The following KIAA1217 variants were observed in gnomAD, a reference collection of about 807,000 sequenced individuals.
KIAA1217 encodes KIAA1217.
In KIAA1217, 88 loss-of-function variants were observed where a neutral mutation model predicts 163.9. That is an observed-to-expected ratio of 0.54 (90% CI 0.45 to 0.64). The LOEUF is 0.64. Among genes scored for constraint, KIAA1217 ranks in the 30% least tolerant of loss-of-function variants. The pLI, the probability that KIAA1217 is intolerant of heterozygous loss-of-function variation, is 0.00. For synonymous variants in KIAA1217, 903 were observed against 923.1 expected (o/e 0.98, Z 0.39); for missense variants, 2,372 against 2,475.0 (o/e 0.96, Z 0.88).
At chr10:24,304,371 AAAT>A (rs1273288975) in intron 2 of KIAA1217, among the ~76,000 whole-genome samples, 3 of 151,956 alleles carry the variant, frequency 2.0e-5, no homozygotes, top group African/African-American at 7.3e-5. Context: ...TTTTTTACTT[AAAT>A]AATGAGGCAG....
At chr10:24,190,607 C>T (rs1327925007) in intron 2 of KIAA1217, among the ~76,000 whole-genome samples, 2 of 152,092 alleles carry the variant, frequency 1.3e-5, no homozygotes, top group Non-Finnish European at 2.9e-5. Context: ...CACAGATTCC[C>T]CCATATTTCC....
At chr10:24,051,831 T>C (rs1311877594) in intron 2 of KIAA1217, among the ~76,000 whole-genome samples, 1 of 152,202 alleles carries the variant, frequency 6.6e-6, no homozygotes, top group African/African-American at 2.4e-5. Flanking sequence ...TTGTTTGAGT[T>C]CCTTGTAGAT....
chr10:23,839,482 A>T (rs141520824), intron 1 of KIAA1217, among the ~76,000 whole-genome samples: 24 of 152,214 alleles, frequency 1.6e-4, no homozygotes, highest in Non-Finnish European at 3.1e-4. Context: ...TAGTGTCTCT[A>T]ACTCTTCACC....
intron 1 of KIAA1217, among the ~76,000 whole-genome samples, chr10:24,001,395 A>G (rs939236004): frequency 6.6e-6 from 1 of 152,238 alleles, no homozygotes; most frequent in African/African-American, 2.4e-5. Context: ...GTCCTCCTCC[A>G]AAGAGTTCAG....
intron 2 of KIAA1217, among the ~76,000 whole-genome samples, chr10:24,015,034 G>GT (rs1190478076): frequency 6.6e-6 from 1 of 152,034 alleles, no homozygotes; most frequent in Non-Finnish European, 1.5e-5. Flanking sequence ...AAAGCATGTA[G>GT]TTATCAAAAT....
intron 6 of KIAA1217, among the ~76,000 whole-genome samples, chr10:24,490,642 C>A (rs940772777): frequency 6.6e-6 from 1 of 152,200 alleles, no homozygotes; most frequent in African/African-American, 2.4e-5. Context: ...TTTCTCATTA[C>A]CATATGTCAA....
At chr10:24,163,604 G>A (rs1256405116) in intron 2 of KIAA1217, among the ~76,000 whole-genome samples, 7 of 152,112 alleles carry the variant, frequency 4.6e-5, no homozygotes, top group Admixed American at 2.0e-4. Context: ...TAGTAAGTAC[G>A]CCTCACAATA....
At chr10:24,138,244 G>T (rs960850237) in intron 2 of KIAA1217, among the ~76,000 whole-genome samples, 13 of 152,018 alleles carry the variant, frequency 8.6e-5, no homozygotes, top group African/African-American at 3.1e-4. Flanking sequence ...ACCTCGAACT[G>T]CCAGGCTCAA....
intron 2 of KIAA1217, among the ~76,000 whole-genome samples, chr10:24,186,484 C>T (rs1320471660): frequency 2.6e-5 from 4 of 152,266 alleles, no homozygotes; most frequent in African/African-American, 7.2e-5. Flanking sequence ...TTCAATAAAA[C>T]GTCTTGAATT....
chr10:24,544,516 C>A (rs368440644), intron 19 of KIAA1217, 35 bp downstream of exon 19: 37 of 1,565,572 alleles, frequency 2.4e-5, no homozygotes, highest in Non-Finnish European at 3.0e-5. Context: ...AAAGACCCAG[C>A]TGCTTTCCTA....
intron 8 of KIAA1217, among the ~76,000 whole-genome samples, chr10:24,497,709 GACCTT>G (rs2066977530): frequency 6.9e-6 from 1 of 145,394 alleles, no homozygotes; most frequent in African/African-American, 2.6e-5. Flanking sequence ...GACAGAGCAA[GACCTT>G]GTCTCAAAAA....
At chr10:23,851,281 G>C (rs1327181624) in intron 1 of KIAA1217, among the ~76,000 whole-genome samples, 3 of 151,938 alleles carry the variant, frequency 2.0e-5, no homozygotes, top group Admixed American at 2.0e-4. Context: ...TTTTGTCCTT[G>C]CGATAGTTTA....
chr10:23,891,899 T>C (rs1327459977), intron 1 of KIAA1217, among the ~76,000 whole-genome samples: 2 of 151,974 alleles, frequency 1.3e-5, no homozygotes, highest in Non-Finnish European at 2.9e-5. Flanking sequence ...TGTTTGTAAG[T>C]CCACTGGGTA....
At chr10:23,736,846 G>A (rs1206213458) in intron 1 of KIAA1217, among the ~76,000 whole-genome samples, 1 of 152,116 alleles carries the variant, frequency 6.6e-6, no homozygotes, top group Non-Finnish European at 1.5e-5. Flanking sequence ...TTTGAGAGCT[G>A]TTGGTGCAAC....
chr10:23,769,660 G>A (rs1245921539), intron 1 of KIAA1217, among the ~76,000 whole-genome samples: 1 of 152,206 alleles, frequency 6.6e-6, no homozygotes, highest in Non-Finnish European at 1.5e-5. Flanking sequence ...AGCTAGTTAG[G>A]TCAGATCTCT....
chr10:24,110,965 T>C (rs2062823604), intron 2 of KIAA1217, among the ~76,000 whole-genome samples: 1 of 152,238 alleles, frequency 6.6e-6, no homozygotes, highest in Non-Finnish European at 1.5e-5. Flanking sequence ...TGCATTCTTA[T>C]AACTTAAATA....
chr10:24,291,303 C>T (rs1411281265), intron 2 of KIAA1217, among the ~76,000 whole-genome samples: 4 of 152,050 alleles, frequency 2.6e-5, no homozygotes, highest in East Asian at 1.9e-4. Flanking sequence ...CTGAGGCGGG[C>T]GGATCACCTG....
At chr10:24,396,235 G>T (rs574182137) in intron 3 of KIAA1217, among the ~76,000 whole-genome samples, 9 of 152,240 alleles carry the variant, frequency 5.9e-5, no homozygotes, top group Admixed American at 2.0e-4. Context: ...TAGTCGGGAG[G>T]CTGTGGCAGG....
chr10:24,190,455 C>T (rs2066663943), intron 2 of KIAA1217, among the ~76,000 whole-genome samples: 1 of 152,172 alleles, frequency 6.6e-6, no homozygotes, highest in African/African-American at 2.4e-5. Context: ...GGCGCTGAAC[C>T]CAAGCCTCCC....
Sources: allele counts gnomAD v4.1 joint callset (sites outside exome capture counted in the v4.1 genomes callset), GRCh38; gene constraint gnomAD v4.1.1; transcripts MANE v1.5; gene names NCBI Gene and HGNC (gene_info 2026-07-23, HGNC 2026-07-21).